C6orf52: variants seen among roughly 807,000 people sequenced by gnomAD.
The protein encoded by C6orf52 is putative uncharacterized protein C6orf52.
A neutral mutation model predicts 16.6 loss-of-function variants in C6orf52; 16 were observed. The observed-to-expected ratio is 0.96, with a 90% CI of 0.65 to 1.46. The LOEUF (loss-of-function observed/expected upper bound fraction) is 1.46, where lower values mean the gene tolerates loss of function less well. Among genes scored for constraint, C6orf52 ranks in the 40% most tolerant of loss-of-function variants. The pLI, the probability that C6orf52 is intolerant of heterozygous loss-of-function variation, is 0.00. For synonymous variants in C6orf52, 53 were observed against 61.4 expected (o/e 0.86, Z 0.64); for missense variants, 166 against 182.3 (o/e 0.91, Z 0.52).
chr6:10,671,720 A>G (rs1767439165), intron 4 of C6orf52, 122 bp from the exon 5 acceptor site: 1 of 554,740 alleles, frequency 1.8e-6, no homozygotes, highest in Non-Finnish European at 3.0e-6. Flanking sequence ...AGTAAAGGTT[A>G]AAATTCTTAA....
chr6:10,691,441 CG>C (rs1368177653), intron 1 of C6orf52, among the ~76,000 whole-genome samples: 10 of 152,064 alleles, frequency 6.6e-5, no homozygotes, highest in African/African-American at 2.2e-4. Context: ...GTAATTAGAA[CG>C]GAACAGAACA....
rs145210898 is a variant in C6orf52 at position 10,691,285 on chromosome 6, G to C, written c.-12+3209C>G. Among the ~76,000 whole-genome samples, 844 of 152,248 alleles carry C rather than the reference G, an allele frequency of 5.5e-3. 7 individuals are homozygous for C. The highest frequency in any genetic ancestry group is 0.019 in the African/African-American group (805 of 41,542). On this transcript the variant is annotated intron_variant, in intron 1 of 4. Transcript: ENST00000259983. ...GGGCTTTATTCGGCCGGGATCTTCG[G>C]CAAGACTCACGTCTCCAACAACCAA...
At chr6:10,685,133 T>G (rs1158823659) in intron 3 of C6orf52, among the ~76,000 whole-genome samples, 2 of 152,060 alleles carry the variant, frequency 1.3e-5, no homozygotes, top group Admixed American at 1.3e-4. Flanking sequence ...GAAATACTTT[T>G]GTTTCTGAAG....
chr6:10,684,011 C>T (rs1324593466), intron 3 of C6orf52, among the ~76,000 whole-genome samples: 2 of 152,200 alleles, frequency 1.3e-5, no homozygotes, highest in East Asian at 3.8e-4. Flanking sequence ...ATACTGAGAG[C>T]CAAAGATCTA....
chr6:10,680,188 AG>A (rs1364671502), intron 4 of C6orf52, among the ~76,000 whole-genome samples: 1 of 152,082 alleles, frequency 6.6e-6, no homozygotes, highest in Non-Finnish European at 1.5e-5. Context: ...TAGGATGCAG[AG>A]GTTGCAGCCG....
intron 3 of C6orf52, among the ~76,000 whole-genome samples, chr6:10,685,636 A>G (rs1036563488): frequency 1.3e-5 from 2 of 152,246 alleles, no homozygotes; most frequent in African/African-American, 4.8e-5. Context: ...TTTCTCTAAC[A>G]TGTGAATATC....
rs376409333 is a variant in C6orf52 at position 10,679,456 on chromosome 6, GA to G, written c.316+3730del. Among the ~76,000 whole-genome samples, 15 of 135,854 alleles carry G rather than the reference GA, an allele frequency of 1.1e-4. No homozygotes were observed. In the South Asian group the frequency reaches 1.9e-3, roughly 17 times the overall value. 89.1% of individuals were successfully genotyped at this position (135,854 alleles called of 152,430 possible). ...TGTCTCCAAAAAAAAAAAAAAAATA[GA>G]AAAAAAAATAGCTCATTGCTAAACA... On this transcript the variant is annotated intron_variant, in intron 4 of 4. Transcript: ENST00000259983.
intron 3 of C6orf52, among the ~76,000 whole-genome samples, chr6:10,685,214 T>A (rs1768762136): frequency 7.9e-6 from 1 of 127,102 alleles, no homozygotes; most frequent in Admixed American, 8.9e-5. Context: ...ACAGACCGTC[T>A]CCCAAAAAAG....
At chr6:10,677,946 A>C (rs1768039970) in intron 4 of C6orf52, among the ~76,000 whole-genome samples, 2 of 151,760 alleles carry the variant, frequency 1.3e-5, no homozygotes, top group South Asian at 4.2e-4. Flanking sequence ...GGGAGGCCAA[A>C]GCAGGTGGAT....
At chr6:10,693,232 G>T (rs1468384859) in intron 1 of C6orf52, among the ~76,000 whole-genome samples, 1 of 152,200 alleles carries the variant, frequency 6.6e-6, no homozygotes, top group Non-Finnish European at 1.5e-5. Context: ...ACCCAAAGGC[G>T]TAAGGGACAA....
At chr6:10,671,677 T>C (rs1581524863) in intron 4 of C6orf52, 79 bp from the exon 5 acceptor site, 1 of 967,310 alleles carries the variant, frequency 1.0e-6, no homozygotes, top group African/African-American at 1.7e-5. Flanking sequence ...ATTAGAAAGC[T>C]TTTAGAAAGC....
rs543742957 is a variant in C6orf52 at position 10,691,651 on chromosome 6, TC to T, written c.-12+2842del. On this transcript the variant is annotated intron_variant, in intron 1 of 4. Coordinates refer to ENST00000259983, the MANE Select transcript of C6orf52 (RefSeq NM_001145020.3). ...GCATAAGACAATATGAGGGGTGGTC[TC>T]CCTCCCTTAAAATCCTAATGCTCTC... Among the ~76,000 whole-genome samples, 870 of 152,096 alleles carry T rather than the reference TC, an allele frequency of 5.7e-3. 8 individuals carry two copies. Among genetic ancestry groups the T allele is most frequent in the African/African-American group, 0.02 (826 of 41,476 alleles).
At position 10,687,574 on chromosome 6, in the gene C6orf52, A is replaced by G; in HGVS notation, c.-11-13T>C. ...ATTTACCCAGAAACTTTACAAAAAG[A>G]GAGCAGAATCCAGTTTTTATTCCTG... On this transcript the variant is annotated splice_polypyrimidine_tract_variant and intron_variant, in intron 1 of 4. Transcript: ENST00000259983. 1 of 1,514,804 alleles carries G rather than the reference A, an allele frequency of 6.6e-7. No homozygotes were observed. The highest frequency in any genetic ancestry group is 9.0e-7 in the Non-Finnish European group (1 of 1,115,346). The allele number at this position is 1,514,804 out of a possible 1,614,324, so 93.8% of individuals were successfully genotyped here.
At chr6:10,686,813 G>A (rs1278865351) in intron 3 of C6orf52, among the ~76,000 whole-genome samples, 153 bp downstream of exon 3, 3 of 152,112 alleles carry the variant, frequency 2.0e-5, no homozygotes, top group Admixed American at 6.5e-5. Context: ...TTTTTCTTAG[G>A]CTATCAGCTT....
chr6:10,679,471 C>T (rs968091737), intron 4 of C6orf52, among the ~76,000 whole-genome samples: 1 of 150,264 alleles, frequency 6.7e-6, no homozygotes, highest in Non-Finnish European at 1.5e-5. Context: ...AAAAATAGCT[C>T]ATTGCTAAAC....
intron 4 of C6orf52, among the ~76,000 whole-genome samples, chr6:10,678,610 G>A (rs927909209): frequency 1.8e-4 from 27 of 152,252 alleles, no homozygotes; most frequent in African/African-American, 5.5e-4. Flanking sequence ...TTGCAATGAA[G>A]CAAGTCACAT....
intron 4 of C6orf52, among the ~76,000 whole-genome samples, chr6:10,680,166 A>T (rs927314223): frequency 6.6e-6 from 1 of 152,064 alleles, no homozygotes; most frequent in African/African-American, 2.4e-5. Context: ...AGATGGGAGG[A>T]TTGCTTGAGC....
chr6:10,694,086 C>G (rs776142652), intron 1 of C6orf52, among the ~76,000 whole-genome samples: 29 of 151,932 alleles, frequency 1.9e-4, no homozygotes, highest in Non-Finnish European at 4.0e-4. Context: ...ATGGAGAAAC[C>G]CTGTCTCTAC....
chr6:10,676,411 A>T (rs1767885451), intron 4 of C6orf52, among the ~76,000 whole-genome samples: 1 of 152,238 alleles, frequency 6.6e-6, no homozygotes, highest in South Asian at 2.1e-4. Flanking sequence ...TCTAACAAAC[A>T]GCAACCTGTA....
Sources: allele counts gnomAD v4.1 joint callset (sites outside exome capture counted in the v4.1 genomes callset), GRCh38; gene constraint gnomAD v4.1.1; transcripts MANE v1.5; gene names NCBI Gene and HGNC (gene_info 2026-07-23, HGNC 2026-07-21).